Variants in TAFA2 observed in about 807,000 individuals in gnomAD.
TAFA2 encodes the protein chemokine-like protein TAFA-2.
Under a neutral mutation model 18.8 loss-of-function variants are expected in TAFA2, and 7 were observed. The ratio of observed to expected loss-of-function variants is 0.37; its 90% CI spans 0.21 to 0.70. The LOEUF (loss-of-function observed/expected upper bound fraction) is 0.70, where lower values mean the gene tolerates loss of function less well. TAFA2 is among the 30% of genes least tolerant of loss of function. The pLI is 0.53. For missense variants in TAFA2, 122 were observed against 158.1 expected (o/e 0.77, Z 1.23); for synonymous variants, 60 against 54.2 (o/e 1.11, Z -0.47).
intron 1 of TAFA2, chr12:62,252,734 G>A (rs1327562592): frequency 6.6e-6 from 1 of 152,156 alleles, no homozygotes; most frequent in African/African-American, 2.4e-5. Flanking sequence ...ACAGTTCTGG[G>A]TGAAGTGTTA....
intron 1 of TAFA2, among the ~76,000 whole-genome samples, chr12:62,220,224 C>T (rs541467646): frequency 2.0e-5 from 3 of 151,972 alleles, no homozygotes; most frequent in East Asian, 3.9e-4. Context: ...CTAATCATTA[C>T]TTTTAAAAAA....
At chr12:62,059,157 G>GTGTGTGTGTGTGTGTGTA (rs1555186761) in intron 1 of TAFA2, among the ~76,000 whole-genome samples, 2,181 of 150,558 alleles carry the variant, frequency 0.014, 40 homozygotes, top group African/African-American at 0.031. Context: ...GTGTGTGTGT[G>GTGTGTGTGTGTGTGTGTA]TGTGTGTGTG....
chr12:61,739,288 A>T (rs924394226), intron 4 of TAFA2, among the ~76,000 whole-genome samples: 4 of 152,098 alleles, frequency 2.6e-5, no homozygotes, highest in African/African-American at 9.6e-5. Context: ...TTGAGGTAAC[A>T]TTGCACAGTT....
intron 4 of TAFA2, among the ~76,000 whole-genome samples, chr12:61,745,172 A>G (rs1164709270): frequency 6.6e-6 from 1 of 152,098 alleles, no homozygotes; most frequent in Non-Finnish European, 1.5e-5. Context: ...TTTTTCATTA[A>G]GTTAAACGAC....
intron 4 of TAFA2, among the ~76,000 whole-genome samples, chr12:61,717,785 G>A (rs1869726537): frequency 6.6e-6 from 1 of 152,144 alleles, no homozygotes; most frequent in South Asian, 2.1e-4. Context: ...GAATGGGACA[G>A]CCTCATTCTG....
chr12:61,803,958 T>C (rs1871505346), intron 2 of TAFA2, among the ~76,000 whole-genome samples: 1 of 152,012 alleles, frequency 6.6e-6, no homozygotes, highest in Admixed American at 6.6e-5. Flanking sequence ...TCATCTTACA[T>C]ATGTTAATGC....
intron 1 of TAFA2, among the ~76,000 whole-genome samples, chr12:62,239,683 T>C (rs926270260): frequency 6.6e-6 from 1 of 152,196 alleles, no homozygotes; most frequent in Non-Finnish European, 1.5e-5. Flanking sequence ...CATGTGTAAG[T>C]GATCCATCTG....
chr12:62,199,275 T>C (rs1324189376), intron 1 of TAFA2, among the ~76,000 whole-genome samples: 2 of 152,172 alleles, frequency 1.3e-5, no homozygotes, highest in Non-Finnish European at 2.9e-5. Context: ...CATGTACCAT[T>C]GTGGTTTGCT....
chr12:61,967,573 T>C (rs1455360499), intron 1 of TAFA2, among the ~76,000 whole-genome samples: 2 of 151,888 alleles, frequency 1.3e-5, no homozygotes, highest in African/African-American at 2.4e-5. Flanking sequence ...AGGCTGGCAC[T>C]GTTCATTCAA....
At chr12:61,886,507 TG>T (rs1875387719) in intron 1 of TAFA2, among the ~76,000 whole-genome samples, 2 of 152,176 alleles carry the variant, frequency 1.3e-5, no homozygotes, top group African/African-American at 4.8e-5. Context: ...TACTCTGGGC[TG>T]TATTGCTTTT....
At chr12:61,784,930 C>T (rs1009156077) in intron 2 of TAFA2, among the ~76,000 whole-genome samples, 4 of 151,490 alleles carry the variant, frequency 2.6e-5, no homozygotes, top group Non-Finnish European at 4.4e-5. Context: ...GTGTATCCAT[C>T]ACCCTGGACA....
intron 1 of TAFA2, among the ~76,000 whole-genome samples, chr12:62,155,626 C>A (rs561487025): frequency 5.2e-4 from 79 of 152,084 alleles, no homozygotes; most frequent in African/African-American, 1.8e-3. Flanking sequence ...AATAGAGAAC[C>A]CAAAATAAAC....
chr12:61,753,818 G>A, intron 3 of TAFA2, 72 bp from the exon 4 acceptor site: 1 of 1,371,694 alleles, frequency 7.3e-7, no homozygotes. Flanking sequence ...CCTTTAAAGA[G>A]GAACAAAAGC....
intron 1 of TAFA2, among the ~76,000 whole-genome samples, chr12:62,023,252 G>C (rs962304606): frequency 6.6e-6 from 1 of 152,092 alleles, no homozygotes; most frequent in Non-Finnish European, 1.5e-5. Context: ...CTTAGTGAGG[G>C]GAGGGTGAAC....
intron 1 of TAFA2, among the ~76,000 whole-genome samples, chr12:62,209,920 G>A (rs11610976): frequency 0.015 from 2,221 of 152,300 alleles, 27 homozygotes; most frequent in Non-Finnish European, 0.022. Flanking sequence ...AGGGCATCTG[G>A]CCAGGCGCAG....
At chr12:62,207,353 G>A (rs981026622) in intron 1 of TAFA2, 1 of 152,068 alleles carries the variant, frequency 6.6e-6, no homozygotes, top group African/African-American at 2.4e-5. Context: ...ATGACTTTAA[G>A]CCTCAATACT....
chr12:61,914,174 G>C (rs1275212783), intron 1 of TAFA2, among the ~76,000 whole-genome samples: 2 of 152,152 alleles, frequency 1.3e-5, no homozygotes, highest in African/African-American at 4.8e-5. Context: ...AGATCCATGG[G>C]TAGAATTTCA....
intron 1 of TAFA2, among the ~76,000 whole-genome samples, chr12:61,979,166 A>C (rs1000415876): frequency 2.6e-5 from 4 of 152,148 alleles, no homozygotes; most frequent in Admixed American, 2.6e-4. Flanking sequence ...CTGGTCAAAC[A>C]AACTCCCCCA....
intron 1 of TAFA2, among the ~76,000 whole-genome samples, chr12:62,146,175 C>T (rs563906204): frequency 1.6e-4 from 24 of 151,784 alleles, no homozygotes; most frequent in African/African-American, 5.3e-4. Context: ...TTCTTGGAGG[C>T]CCTCTCATCT....
Sources: gnomAD v4.1 joint callset for allele counts (sites outside exome capture counted in the v4.1 genomes callset) on GRCh38, gnomAD v4.1.1 for gene constraint, MANE v1.5 for transcripts, NCBI Gene and HGNC (gene_info 2026-07-23, HGNC 2026-07-21) for gene names.